RGS7: variants seen among roughly 807,000 people sequenced by gnomAD.
RGS7 encodes regulator of G protein signaling 7.
In RGS7, 27 loss-of-function variants were observed where a neutral mutation model predicts 81.1. The ratio of observed to expected loss-of-function variants is 0.33; its 90% CI spans 0.25 to 0.46. RGS7 has a LOEUF of 0.46. RGS7 is among the 20% of genes least tolerant of loss of function. The pLI, the probability that RGS7 is intolerant of heterozygous loss-of-function variation, is 1.00. For synonymous variants in RGS7, 208 were observed against 207.7 expected, an observed-to-expected ratio of 1.00 and a Z score of -0.01; for missense variants, 396 against 607.4, an observed-to-expected ratio of 0.65 and a Z score of 3.66.
chr1:241,311,384 G>T (rs2080522016), intron 2 of RGS7, among the ~76,000 whole-genome samples: 1 of 152,184 alleles, frequency 6.6e-6, no homozygotes, highest in South Asian at 2.1e-4. Flanking sequence ...AATTGGCTAA[G>T]AAATACATAC....
chr1:240,776,491 G>T (rs551064715), intron 18 of RGS7, among the ~76,000 whole-genome samples: 47 of 150,460 alleles, frequency 3.1e-4, no homozygotes, highest in African/African-American at 1.1e-3. Context: ...TCACAGCACA[G>T]ATTAGCAAAT....
chr1:241,233,085 A>G (rs1227342704), intron 2 of RGS7, among the ~76,000 whole-genome samples: 1 of 152,170 alleles, frequency 6.6e-6, no homozygotes, highest in Non-Finnish European at 1.5e-5. Context: ...CAGCACCCGT[A>G]AGTCAGAATG....
rs918621758 is a variant in RGS7 at position 241,144,773 on chromosome 1, T to C, written c.79-46011A>G. On this transcript the variant is annotated intron_variant, in intron 2 of 18. Coordinates refer to ENST00000440928, the MANE Select transcript of RGS7 (RefSeq NM_001364886.1). The surrounding 1 kb of genome is among the most constrained non-coding windows in gnomAD (Gnocchi z 4.7). Reference sequence around the variant, plus strand: ...AGCTAGCCAACCCCACAGCCGCCTGTTGGGCAAAGGAACCCTGGAACTCGT... The same window carrying C: ...AGCTAGCCAACCCCACAGCCGCCTGCTGGGCAAAGGAACCCTGGAACTCGT... 6.6e-6 allele frequency among the ~76,000 whole-genome samples: 1 copy of C among 152,196 alleles called. No individual in the cohort carries two copies. The highest frequency in any genetic ancestry group is 2.4e-5 in the African/African-American group (1 of 41,456).
intron 18 of RGS7, among the ~76,000 whole-genome samples, chr1:240,798,478 A>G (rs1687448571): frequency 6.6e-6 from 1 of 152,162 alleles, no homozygotes; most frequent in African/African-American, 2.4e-5. Flanking sequence ...GGGTATCATC[A>G]GGTGGCAAGG....
At chr1:241,241,949 T>A (rs77481554) in intron 2 of RGS7, among the ~76,000 whole-genome samples, 16,071 of 147,060 alleles carry the variant, frequency 0.11, 1,093 homozygotes, top group East Asian at 0.3. Flanking sequence ...TTTTTTTTTT[T>A]AATTTTTAAT....
intron 4 of RGS7, among the ~76,000 whole-genome samples, chr1:240,958,090 C>T (rs1439048546): frequency 6.6e-6 from 1 of 152,206 alleles, no homozygotes; most frequent in African/African-American, 2.4e-5. Context: ...AAGTGCAGTT[C>T]ATCTGGCAGA....
chr1:240,807,397 AAG>A (rs1689047575), intron 14 of RGS7, among the ~76,000 whole-genome samples: 1 of 152,344 alleles, frequency 6.6e-6, no homozygotes, highest in African/African-American at 2.4e-5. Context: ...AAGAAAGGCA[AAG>A]AGGGCCACAG....
At chr1:241,346,046 C>A (rs1013427093) in intron 2 of RGS7, among the ~76,000 whole-genome samples, 1 of 151,894 alleles carries the variant, frequency 6.6e-6, no homozygotes, top group Non-Finnish European at 1.5e-5. Context: ...TTAAATGTTT[C>A]TATTTTTCAA....
intron 11 of RGS7, 25 bp downstream of exon 11, chr1:240,816,292 C>T (rs1558297582): frequency 6.9e-7 from 1 of 1,441,916 alleles, no homozygotes; most frequent in East Asian, 2.3e-5. Context: ...AAACCTTTAA[C>T]AGGTCATCTC....
intron 2 of RGS7, among the ~76,000 whole-genome samples, chr1:241,140,333 G>A (rs2067839802): frequency 1.3e-5 from 2 of 152,164 alleles, no homozygotes; most frequent in Admixed American, 6.5e-5. Flanking sequence ...GTTAGAGATG[G>A]TAAGGGCTGT....
rs1672018710 is a variant in RGS7 at position 240,913,020 on chromosome 1, C to T, written c.385+17697G>A. Among the ~76,000 whole-genome samples the T allele has an allele frequency of 1.3e-5, 2 of 152,180 alleles. 1 individual carries two copies. Among genetic ancestry groups the T allele is most frequent in the Non-Finnish European group, 2.9e-5 (2 of 68,046 alleles). ...CGGTAGGAATTAATCTCAGCAGGCT[C>T]GCTTCAGCATTCGGAGACACAACCA... On this transcript the variant is annotated intron_variant, in intron 6 of 18. Transcript: ENST00000440928.
chr1:241,320,212 T>G (rs927622899), intron 2 of RGS7, among the ~76,000 whole-genome samples: 12 of 152,242 alleles, frequency 7.9e-5, no homozygotes, highest in African/African-American at 2.9e-4. Context: ...CTCTGTGCCC[T>G]AATAGGTGCT....
intron 2 of RGS7, among the ~76,000 whole-genome samples, chr1:241,335,415 A>G (rs538867720): frequency 2.6e-5 from 4 of 152,346 alleles, no homozygotes; most frequent in East Asian, 3.9e-4. Context: ...AACAATTTCT[A>G]TTAATTCAAC....
At chr1:240,857,414 T>C (rs772715479) in intron 9 of RGS7, among the ~76,000 whole-genome samples, 4 of 152,158 alleles carry the variant, frequency 2.6e-5, no homozygotes, top group South Asian at 2.1e-4. Context: ...AGAGCTTGCA[T>C]TGGGGTTCAC....
At chr1:241,064,836 T>A (rs1172846923) in intron 3 of RGS7, among the ~76,000 whole-genome samples, 1 of 152,110 alleles carries the variant, frequency 6.6e-6, no homozygotes, top group Non-Finnish European at 1.5e-5. Context: ...ATCCCTGTCA[T>A]GAAGGAGGAG....
chr1:241,105,969 G>T (rs529653879), intron 2 of RGS7, among the ~76,000 whole-genome samples: 1 of 152,302 alleles, frequency 6.6e-6, no homozygotes, highest in South Asian at 2.1e-4. Flanking sequence ...TGCTAGCTAT[G>T]AAAATGGGAG....
In RGS7 at chr1:240,996,676, A is replaced by G. The variant is rs373855119; in HGVS notation, c.176-13547T>C. On this transcript the variant is annotated intron_variant, in intron 3 of 18. Transcript: ENST00000440928. ...TCTTTTTTCTATTCTTTTACTTACAACCTGACTATGTTGTTATATTTGAAG... is the reference window on the plus strand; with the variant it reads ...TCTTTTTTCTATTCTTTTACTTACAGCCTGACTATGTTGTTATATTTGAAG... Among the ~76,000 whole-genome samples, 55 of 152,016 alleles carry G rather than the reference A, an allele frequency of 3.6e-4. No individual in the cohort carries two copies. In the South Asian group the frequency reaches 0.01, roughly 29 times the overall value.
chr1:240,838,845 C>T (rs1695133364), intron 9 of RGS7, among the ~76,000 whole-genome samples: 1 of 152,038 alleles, frequency 6.6e-6, no homozygotes, highest in Non-Finnish European at 1.5e-5. Context: ...CGGCTCACCG[C>T]AAGCTCCGCC....
chr1:241,033,018 T>C (rs2060154513), intron 3 of RGS7, among the ~76,000 whole-genome samples: 2 of 152,180 alleles, frequency 1.3e-5, no homozygotes, highest in South Asian at 2.1e-4. Context: ...CAGTATTGTA[T>C]TGATGAATTC....
Sources: gnomAD v4.1 joint callset for allele counts (sites outside exome capture counted in the v4.1 genomes callset) on GRCh38, gnomAD v4.1.1 for gene constraint, Gnocchi (gnomAD v3.1) non-coding constraint, MANE v1.5 for transcripts, NCBI Gene and HGNC (gene_info 2026-07-23, HGNC 2026-07-21) for gene names.